CLMP: variants seen among roughly 807,000 people sequenced by gnomAD.
CLMP encodes the protein CXADR like cell adhesion molecule.
Under a neutral mutation model 45.2 loss-of-function variants are expected in CLMP, and 27 were observed. The ratio of observed to expected loss-of-function variants is 0.60; its 90% confidence interval spans 0.44 to 0.82. The LOEUF (loss-of-function observed/expected upper bound fraction) is 0.82, where lower values mean the gene tolerates loss of function less well. CLMP is among the 40% of genes least tolerant of loss of function. The pLI, the probability that CLMP is intolerant of heterozygous loss-of-function variation, is 0.00. For missense variants in CLMP, 403 were observed against 448.4 expected (o/e 0.90, Z 0.91); for synonymous variants, 167 against 171.4 (o/e 0.97, Z 0.20).
chr11:123,151,766 C>T (rs558338397), intron 1 of CLMP, among the ~76,000 whole-genome samples: 28 of 152,202 alleles, frequency 1.8e-4, no homozygotes, highest in Middle Eastern at 6.8e-3. Flanking sequence ...AATGCATTAC[C>T]CTTCCAGGGG....
chr11:123,140,101 C>G (rs916848722), intron 1 of CLMP, among the ~76,000 whole-genome samples: 1 of 152,176 alleles, frequency 6.6e-6, no homozygotes, highest in African/African-American at 2.4e-5. Context: ...AGGGCCAGTA[C>G]GCCTCCTAGT....
At chr11:123,144,843 C>A (rs1230812761) in intron 1 of CLMP, among the ~76,000 whole-genome samples, 4 of 152,060 alleles carry the variant, frequency 2.6e-5, no homozygotes, top group African/African-American at 9.7e-5. Context: ...CTGGTGGATC[C>A]CTTTCGACCC....
chr11:123,131,120 G>A (rs905225014), intron 1 of CLMP, among the ~76,000 whole-genome samples: 3 of 152,182 alleles, frequency 2.0e-5, no homozygotes, highest in East Asian at 1.9e-4. Flanking sequence ...TGGGATTACA[G>A]GCGTGAGCCA....
At chr11:123,144,920 A>G (rs1263479469) in intron 1 of CLMP, among the ~76,000 whole-genome samples, 1 of 152,064 alleles carries the variant, frequency 6.6e-6, no homozygotes, top group African/African-American at 2.4e-5. Context: ...CCGGTTTTTC[A>G]GACTTACAGG....
In CLMP at chr11:123,163,839, A is replaced by AG. The variant is rs563407763; in HGVS notation, c.28+31073dup. On this transcript the variant is annotated intron_variant, in intron 1 of 6. Transcript: ENST00000448775. ...TATGGGTTCTGAGGCCCACAGCTAG[A>AG]GGGAGATGTTGGGAGCTAGAGTGTC... 1.5e-4 allele frequency among the ~76,000 whole-genome samples: 23 copies of AG among 152,320 alleles called. No homozygotes were observed. The South Asian group carries it at 4.8e-3, about 32-fold the overall frequency.
chr11:123,098,533 GT>G (rs1212891941), intron 1 of CLMP, among the ~76,000 whole-genome samples: 1 of 151,514 alleles, frequency 6.6e-6, no homozygotes, highest in African/African-American at 2.4e-5. Flanking sequence ...CGGCCTGTTT[GT>G]TTGTTTGTTT....
chr11:123,121,084 G>A (rs11218995), intron 1 of CLMP, among the ~76,000 whole-genome samples: 2,759 of 136,826 alleles, frequency 0.02, 68 homozygotes, highest in East Asian at 0.14. Flanking sequence ...CCAAGATCCC[G>A]CCACTGCACT....
chr11:123,101,564 A>G (rs150126763), intron 1 of CLMP, among the ~76,000 whole-genome samples: 95 of 152,366 alleles, frequency 6.2e-4, no homozygotes, highest in African/African-American at 2.0e-3. Flanking sequence ...TTCTGCAGCA[A>G]GGCTGCTTGG....
intron 1 of CLMP, among the ~76,000 whole-genome samples, chr11:123,183,982 C>T (rs1225941201): frequency 6.6e-6 from 1 of 152,188 alleles, no homozygotes; most frequent in East Asian, 1.9e-4. Context: ...ATTTCTTAAC[C>T]TCTCTGATCC....
chr11:123,071,105 A>C lies in CLMP; in HGVS notation c.*2369T>G, dbSNP rs1865666392. On this transcript the variant is annotated 3_prime_UTR_variant, in exon 7 of 7. Transcript: ENST00000448775. ...TGCTTTCATCACCACATTCAGCATC[A>C]ATTTTTTTCTTTCCTCTAACCTGCT... is the stretch of plus-strand genomic sequence containing the variant. The C allele has an allele frequency of 6.6e-6, 1 of 152,146 alleles. No homozygotes were observed. The highest frequency in any genetic ancestry group is 1.5e-5 in the Non-Finnish European group (1 of 68,044). 9.4% of individuals were successfully genotyped at this position (152,146 alleles called of 1,614,324 possible). A position where few individuals can be genotyped will look rare whatever the true frequency, so the allele number is the denominator to read the frequency against.
chr11:123,122,120 G>C (rs940175836), intron 1 of CLMP, among the ~76,000 whole-genome samples: 1 of 152,160 alleles, frequency 6.6e-6, no homozygotes, highest in African/African-American at 2.4e-5. Context: ...TAAAATATCC[G>C]TAAGTGATTT....
rs11602354 is a variant in CLMP at position 123,111,605 on chromosome 11, A to T, written c.29-13653T>A. 5.8e-3 allele frequency among the ~76,000 whole-genome samples: 876 copies of T among 152,290 alleles called. 14 individuals carry two copies. The highest frequency in any genetic ancestry group is 0.02 in the African/African-American group (836 of 41,558). On this transcript the variant is annotated intron_variant, in intron 1 of 6. Coordinates refer to ENST00000448775, the MANE Select transcript of CLMP (RefSeq NM_024769.5). ...GGGCAGAATTTACTTAGGGAGGATT[A>T]GCCAGGCCTCACCTTTAAGGTAGTT...
At chr11:123,180,433 A>G (rs59327612) in intron 1 of CLMP, among the ~76,000 whole-genome samples, 16,051 of 152,074 alleles carry the variant, frequency 0.11, 2,114 homozygotes, top group African/African-American at 0.3. Context: ...GTGGCTCTCT[A>G]TGAACGAGGA....
At chr11:123,178,757 G>A (rs184969658) in intron 1 of CLMP, among the ~76,000 whole-genome samples, 1 of 152,314 alleles carries the variant, frequency 6.6e-6, no homozygotes, top group Admixed American at 6.5e-5. Context: ...AGGAGGATGT[G>A]TGGCTGTGGT....
At chr11:123,109,500 A>T (rs968367296) in intron 1 of CLMP, among the ~76,000 whole-genome samples, 1 of 152,188 alleles carries the variant, frequency 6.6e-6, no homozygotes, top group Non-Finnish European at 1.5e-5. Flanking sequence ...CACACCGAAG[A>T]TGATTGTCTT....
chr11:123,123,617 CA>C (rs911022660), intron 1 of CLMP, among the ~76,000 whole-genome samples: 9 of 152,218 alleles, frequency 5.9e-5, no homozygotes, highest in Middle Eastern at 3.4e-3. Flanking sequence ...GGCGTACACA[CA>C]GGCAGATTTC....
At chr11:123,117,209 C>T (rs1220918885) in intron 1 of CLMP, among the ~76,000 whole-genome samples, 1 of 152,004 alleles carries the variant, frequency 6.6e-6, no homozygotes, top group Admixed American at 6.6e-5. Flanking sequence ...ATACCAGTCA[C>T]TGTGCACTAA....
chr11:123,188,540 C>A (rs1372078360), intron 1 of CLMP, among the ~76,000 whole-genome samples: 1 of 152,090 alleles, frequency 6.6e-6, no homozygotes, highest in Non-Finnish European at 1.5e-5. Flanking sequence ...CCGCTCTTTA[C>A]AAAAACCCCC....
At chr11:123,130,701 GA>G (rs35065043) in intron 1 of CLMP, among the ~76,000 whole-genome samples, 26,511 of 151,464 alleles carry the variant, frequency 0.18, 2,407 homozygotes, top group Non-Finnish European at 0.2. Context: ...AAGGGTTGGG[GA>G]AAAAAAAGTA....
Sources: allele counts gnomAD v4.1 joint callset (sites outside exome capture counted in the v4.1 genomes callset), GRCh38; gene constraint gnomAD v4.1.1; transcripts MANE v1.5; gene names NCBI Gene and HGNC (gene_info 2026-07-23, HGNC 2026-07-21).